Variants in CCDC73 observed in about 807,000 individuals in gnomAD.
CCDC73 encodes coiled-coil domain containing 73, also known as coiled-coil domain-containing protein 73.
CCDC73 carries 95 observed loss-of-function variants against 116.5 expected under a neutral mutation model. The observed-to-expected ratio is 0.82, with a 90% CI of 0.69 to 0.97. CCDC73 has a LOEUF of 0.97. Ranked by LOEUF, CCDC73 falls within the 50% of genes least tolerant of loss-of-function variation. The probability of loss-of-function intolerance (pLI) is 0.00; values close to 1 mark genes in which losing one functional copy is unlikely to be tolerated. For missense variants in CCDC73, 1,066 were observed against 1,206.8 expected, an observed-to-expected ratio of 0.88 and a Z score of 1.73; for synonymous variants, 398 against 401.3, an observed-to-expected ratio of 0.99 and a Z score of 0.10.
At chr11:32,656,306 C>T (rs1590572749) in intron 9 of CCDC73, among the ~76,000 whole-genome samples, 1 of 151,820 alleles carries the variant, frequency 6.6e-6, no homozygotes, top group Non-Finnish European at 1.5e-5. Flanking sequence ...GTCTCGATCT[C>T]CTGACCTTCT....
the CCDC73 span, among the ~76,000 whole-genome samples, chr11:32,814,691 G>A: frequency 6.6e-6 from 1 of 152,052 alleles, no homozygotes; most frequent in Admixed American, 6.6e-5. Flanking sequence ...ATATCCAAGA[G>A]AAATGAAACT....
In CCDC73 at chr11:32,608,318, A is replaced by G. The variant is rs113201438; in HGVS notation, c.3030+2814T>C. Among the ~76,000 whole-genome samples the G allele has an allele frequency of 9.8e-3, 1,485 of 152,284 alleles. 23 individuals carry two copies. The highest frequency in any genetic ancestry group is 0.034 in the African/African-American group (1,408 of 41,560). ...ATCAAAAGCAAGTCAGTTACTTCCT[A>G]GATACAAGGAGGGGTGGGGTACAGG... is the stretch of plus-strand genomic sequence containing the variant. On this transcript the variant is annotated intron_variant, in intron 17 of 17. Coordinates refer to ENST00000335185, the MANE Select transcript of CCDC73 (RefSeq NM_001008391.4).
intron 6 of CCDC73, among the ~76,000 whole-genome samples, chr11:32,684,648 A>G (rs1003633762): frequency 2.6e-5 from 4 of 152,148 alleles, no homozygotes; most frequent in African/African-American, 9.7e-5. Flanking sequence ...TTTTATTAGG[A>G]TAAGTTCCAA....
intron 10 of CCDC73, among the ~76,000 whole-genome samples, 191 bp from the exon 11 acceptor site, chr11:32,654,228 C>T (rs1855851587): frequency 6.6e-6 from 1 of 152,164 alleles, no homozygotes; most frequent in Non-Finnish European, 1.5e-5. Context: ...GTCTGGAGTG[C>T]AGTGGTGCGA....
At chr11:32,624,359 A>AATAC (rs1478830733) in intron 14 of CCDC73, among the ~76,000 whole-genome samples, 2 of 151,364 alleles carry the variant, frequency 1.3e-5, no homozygotes, top group African/African-American at 2.4e-5. Context: ...AAAATAAATA[A>AATAC]ATAAATAAAT....
chr11:32,684,842 C>G (rs1471131161), intron 6 of CCDC73, among the ~76,000 whole-genome samples: 1 of 151,906 alleles, frequency 6.6e-6, no homozygotes, highest in South Asian at 2.1e-4. Context: ...TAGCTGGGTA[C>G]GCTGGTGTGT....
chr11:32,664,279 G>A (rs957569098), intron 9 of CCDC73, among the ~76,000 whole-genome samples: 3 of 152,128 alleles, frequency 2.0e-5, no homozygotes, highest in African/African-American at 2.4e-5. Context: ...TTGTACCTCC[G>A]GTAGAATTTG....
intron 2 of CCDC73, among the ~76,000 whole-genome samples, chr11:32,754,495 C>T (rs561529363): frequency 1.3e-5 from 2 of 152,164 alleles, no homozygotes; most frequent in Admixed American, 1.3e-4. Context: ...CTCAAAAAAA[C>T]CACAGCTGAA....
intron 2 of CCDC73, among the ~76,000 whole-genome samples, chr11:32,734,835 T>A (rs1433278612): frequency 6.6e-6 from 1 of 152,170 alleles, no homozygotes; most frequent in African/African-American, 2.4e-5. Context: ...TCAAGTGGGC[T>A]TCATCCCTGG....
chr11:32,782,887 CA>C (rs1223783449), intron 1 of CCDC73, among the ~76,000 whole-genome samples: 2 of 151,160 alleles, frequency 1.3e-5, no homozygotes, highest in Non-Finnish European at 3.0e-5. Flanking sequence ...CAAAAAGAAG[CA>C]AAAAACCAAA....
intron 1 of CCDC73, among the ~76,000 whole-genome samples, chr11:32,765,393 A>AAC (rs147133302): frequency 0.57 from 87,158 of 151,720 alleles, 25,327 homozygotes; most frequent in East Asian, 0.84. Flanking sequence ...AATGTAAAAG[A>AAC]ACAAATTATA....
At chr11:32,809,362 C>T in the CCDC73 span, among the ~76,000 whole-genome samples, 2 of 152,268 alleles carry the variant, frequency 1.3e-5, no homozygotes, top group Middle Eastern at 3.4e-3. Flanking sequence ...GCCTAAGTAG[C>T]AAGAGACACA....
chr11:32,686,840 A>G (rs192983809), intron 6 of CCDC73, among the ~76,000 whole-genome samples: 180 of 152,336 alleles, frequency 1.2e-3, no homozygotes, highest in African/African-American at 4.2e-3. Context: ...GTGTTTTTAT[A>G]GTTGCTATAT....
At chr11:32,765,083 A>G (rs1850428715) in intron 1 of CCDC73, among the ~76,000 whole-genome samples, 1 of 152,208 alleles carries the variant, frequency 6.6e-6, no homozygotes, top group South Asian at 2.1e-4. Context: ...ATATATATGC[A>G]CCCAATACAG....
intron 10 of CCDC73, 44 bp from the exon 11 acceptor site, chr11:32,654,081 C>T (rs1405692470): frequency 5.3e-6 from 8 of 1,519,654 alleles, no homozygotes; most frequent in Middle Eastern, 2.2e-4. Flanking sequence ...TAAAATTCAG[C>T]AAATTCTACA....
At chr11:32,605,968 T>C (rs965842771) in intron 17 of CCDC73, 1 of 152,068 alleles carries the variant, frequency 6.6e-6, no homozygotes, top group African/African-American at 2.4e-5. Flanking sequence ...CTGCCTGTGA[T>C]TATATTTTAA....
intron 6 of CCDC73, among the ~76,000 whole-genome samples, chr11:32,686,651 A>T (rs1190221654): frequency 1.3e-5 from 2 of 152,118 alleles, no homozygotes; most frequent in African/African-American, 4.8e-5. Context: ...AATTTACCAC[A>T]TTATTTCAGG....
rs548507616 is a variant in CCDC73 at position 32,740,692 on chromosome 11, ATCATT to A, written c.135+19412_135+19416del. Among the ~76,000 whole-genome samples, 730 of 151,466 alleles carry A rather than the reference ATCATT, an allele frequency of 4.8e-3. 5 individuals are homozygous for A. Among genetic ancestry groups the A allele is most frequent in the African/African-American group, 0.017 (706 of 41,336 alleles). On this transcript the variant is annotated intron_variant, in intron 2 of 17. Transcript: ENST00000335185. ...TTCATTTATTTCTGCTCTGATCTTT[ATCATT>A]TCTTTTCTTCTACTAAATTTGGGTT...
chr11:32,698,010 A>ATTTTT lies in CCDC73; in HGVS notation c.390+1240_390+1241insAAAAA, dbSNP rs1849771437. On this transcript the variant is annotated intron_variant, in intron 6 of 17. Coordinates refer to ENST00000335185, the MANE Select transcript of CCDC73 (RefSeq NM_001008391.4). ...TCTGTTGTTTCTTTGTCTAACACTG[A>ATTTTT]ATTTTTTTTTTTTTTTTTTTTTTTT... Among the ~76,000 whole-genome samples the ATTTTT allele has an allele frequency of 2.5e-5, 3 of 117,758 alleles. 1 individual carries two copies. The highest frequency in any genetic ancestry group is 3.3e-5 in the African/African-American group (1 of 29,924). The allele number at this position is 117,758 out of a possible 152,430, so 77.3% of individuals were successfully genotyped here.
Sources: allele counts gnomAD v4.1 joint callset (sites outside exome capture counted in the v4.1 genomes callset), GRCh38; gene constraint gnomAD v4.1.1; transcripts MANE v1.5; gene names NCBI Gene and HGNC (gene_info 2026-07-23, HGNC 2026-07-21).